Variants in SMAD3 observed in about 807,000 individuals in gnomAD.
The protein encoded by SMAD3 is MAD homolog 3.
A neutral mutation model predicts 51.8 loss-of-function variants in SMAD3; 12 were observed. The observed-to-expected ratio is 0.23, with a 90% CI of 0.15 to 0.38. SMAD3 has a LOEUF of 0.38. Among genes scored for constraint, SMAD3 ranks in the 10% least tolerant of loss-of-function variants. SMAD3 has a pLI of 1.00. For synonymous variants in SMAD3, 238 were observed against 227.7 expected, an observed-to-expected ratio of 1.05 and a Z score of -0.41; for missense variants, 294 against 565.6, an observed-to-expected ratio of 0.52 and a Z score of 4.87.
At chr15:67,084,070 C>CTTTTTTTTTTTTTTTTTTTTTTTTTTT (rs56675753) in intron 1 of SMAD3, among the ~76,000 whole-genome samples, 1 of 85,068 alleles carries the variant, frequency 1.2e-5, no homozygotes, top group Admixed American at 1.6e-4. Flanking sequence ...CTTTTTTTTT[C>CTTTTTTTTTTTTTTTTTTTTTTTTTTT]TTTTTTTTTT....
chr15:67,123,359 T>C (rs1595912716), intron 1 of SMAD3, among the ~76,000 whole-genome samples: 1 of 151,834 alleles, frequency 6.6e-6, no homozygotes, highest in Admixed American at 6.6e-5. Context: ...ATTAGTCAGG[T>C]GTGGTGGCAC....
At chr15:67,097,136 T>G (rs1355662268) in intron 1 of SMAD3, among the ~76,000 whole-genome samples, 1 of 152,198 alleles carries the variant, frequency 6.6e-6, no homozygotes, top group Non-Finnish European at 1.5e-5. Flanking sequence ...GTTAAAAATG[T>G]GGGTACTTGG....
chr15:67,099,987 T>A (rs892968628), intron 1 of SMAD3, among the ~76,000 whole-genome samples: 1 of 151,932 alleles, frequency 6.6e-6, no homozygotes, highest in Non-Finnish European at 1.5e-5. Context: ...TTCAAGACCA[T>A]CCTGACCAAC....
At chr15:67,143,002 G>A in intron 1 of SMAD3, 2 of 255,258 alleles carry the variant, frequency 7.8e-6, no homozygotes, top group South Asian at 6.2e-5. Flanking sequence ...AGACGTCCTT[G>A]CTGGAGAGCC....
chr15:67,127,112 T>C (rs1030491265), intron 1 of SMAD3, among the ~76,000 whole-genome samples: 6 of 152,088 alleles, frequency 3.9e-5, no homozygotes, highest in African/African-American at 1.4e-4. Context: ...GTGGGCTAAA[T>C]ACCGGCCACC....
At chr15:67,072,791 T>A (rs928181898) in intron 1 of SMAD3, among the ~76,000 whole-genome samples, 3 of 152,184 alleles carry the variant, frequency 2.0e-5, no homozygotes, top group African/African-American at 4.8e-5. Context: ...AGTCTTCCCA[T>A]CTTCAAGCAC....
intron 1 of SMAD3, among the ~76,000 whole-genome samples, chr15:67,090,367 T>G (rs546408686): frequency 6.6e-6 from 1 of 152,152 alleles, no homozygotes; most frequent in Non-Finnish European, 1.5e-5. Context: ...TCAGATTTCC[T>G]TCAGAGGCTG....
chr15:67,069,878 G>T (rs545280702), intron 1 of SMAD3, among the ~76,000 whole-genome samples: 2 of 152,028 alleles, frequency 1.3e-5, no homozygotes, highest in Non-Finnish European at 2.9e-5. Flanking sequence ...GCTAATTTTT[G>T]TATTTTTAGT....
At position 67,194,647 on chromosome 15, in the gene SMAD3, A is replaced by G. The variant is rs1216938793; in HGVS notation, c.*4111A>G. The stretch of plus-strand genomic sequence containing the variant: ...TCTCCTCCCAAGGACAGTGGCTGGA[A>G]GAGTTGGGGCACAGCCAGTTCTGAA... On this transcript the variant is annotated 3_prime_UTR_variant, in exon 9 of 9. Transcript: ENST00000327367. 1 of 231,916 alleles carries G rather than the reference A, an allele frequency of 4.3e-6. No individual in the cohort carries two copies. The highest frequency in any genetic ancestry group is 8.5e-6 in the Non-Finnish European group (1 of 117,102). The allele number at this position is 231,916 out of a possible 1,614,324, so 14.4% of individuals were successfully genotyped here. A position where few individuals can be genotyped will look rare whatever the true frequency, so the allele number is the denominator to read the frequency against.
At chr15:67,164,786 A>G in intron 1 of SMAD3, 109 bp from the exon 2 acceptor site, 2 of 1,138,814 alleles carry the variant, frequency 1.8e-6, no homozygotes, top group Non-Finnish European at 2.7e-6. Flanking sequence ...TCTGGGAGAA[A>G]TGAGGGGAGA....
chr15:67,118,516 C>G (rs1012783888), intron 1 of SMAD3, among the ~76,000 whole-genome samples: 68 of 152,128 alleles, frequency 4.5e-4, no homozygotes, highest in East Asian at 1.9e-4. Flanking sequence ...ATTTTTATAC[C>G]AGACTAGAAT....
intron 5 of SMAD3, among the ~76,000 whole-genome samples, chr15:67,172,217 C>T (rs1222825989): frequency 1.3e-5 from 2 of 151,750 alleles, no homozygotes; most frequent in African/African-American, 4.9e-5. Flanking sequence ...CCTACTGCCC[C>T]TTCCTCGGGC....
At chr15:67,185,430 T>C (rs1004717614) in intron 7 of SMAD3, among the ~76,000 whole-genome samples, 3 of 152,148 alleles carry the variant, frequency 2.0e-5, no homozygotes, top group Admixed American at 2.0e-4. Flanking sequence ...AGGGAGGGCA[T>C]TCTAGACAGG....
chr15:67,189,996 C>A (rs1191517404), intron 8 of SMAD3, among the ~76,000 whole-genome samples: 1 of 151,958 alleles, frequency 6.6e-6, no homozygotes, highest in African/African-American at 2.4e-5. Flanking sequence ...GGGCTGGGCC[C>A]AGATTTCGAG....
intron 1 of SMAD3, among the ~76,000 whole-genome samples, chr15:67,136,012 C>T (rs1306643368): frequency 6.6e-6 from 1 of 152,102 alleles, no homozygotes; most frequent in Admixed American, 6.5e-5. Context: ...TGTGTCCTTC[C>T]CAGCTAGAAT....
rs529889291 is a variant in SMAD3, at chr15:67,090,918, T to C, written c.206+24558T>C. On this transcript the variant is annotated intron_variant, in intron 1 of 8. Transcript: ENST00000327367. ...CAAGGCCAAGCCCCTCCCTCCCTACTTGAACACTTGATTACCTGCTGCAGG... is the reference window on the plus strand; with the variant it reads ...CAAGGCCAAGCCCCTCCCTCCCTACCTGAACACTTGATTACCTGCTGCAGG... Among the ~76,000 whole-genome samples the C allele has an allele frequency of 8.4e-4, 128 of 152,144 alleles. 1 individual carries two copies. Among genetic ancestry groups the C allele is most frequent in the Admixed American group, 2.4e-3 (36 of 15,278 alleles).
At chr15:67,113,203 C>T (rs1216831770) in intron 1 of SMAD3, among the ~76,000 whole-genome samples, 2 of 125,870 alleles carry the variant, frequency 1.6e-5, no homozygotes, top group African/African-American at 6.4e-5. Context: ...CCTGCCTCAG[C>T]AGCCTCCCGA....
chr15:67,088,612 G>A (rs1055028201), intron 1 of SMAD3, among the ~76,000 whole-genome samples: 2 of 152,308 alleles, frequency 1.3e-5, no homozygotes, highest in Middle Eastern at 3.4e-3. Context: ...CCGAGTGGGA[G>A]GGGGCAGCTG....
chr15:67,138,472 ACTGAGCGGTTCC>A lies in SMAD3; in HGVS notation c.207-26419_207-26408del, dbSNP rs1961729508. 3 of 209,190 alleles carry A rather than the reference ACTGAGCGGTTCC, an allele frequency of 1.4e-5. No homozygotes were observed. The South Asian group carries it at 2.7e-4, about 18-fold the overall frequency. The allele number at this position is 209,190 out of a possible 1,614,324, so 13.0% of individuals were successfully genotyped here. The stretch of plus-strand genomic sequence containing the variant: ...TTTGTTCCTTTCCAGTCATCGCTGT[ACTGAGCGGTTCC>A]CTGGGACAGTTGAACCCAGGGGAAC... On this transcript the variant is annotated intron_variant, in intron 1 of 8. Coordinates refer to ENST00000327367, the MANE Select transcript of SMAD3 (RefSeq NM_005902.4).
Sources: allele counts gnomAD v4.1 joint callset (sites outside exome capture counted in the v4.1 genomes callset), GRCh38; gene constraint gnomAD v4.1.1; transcripts MANE v1.5; gene names NCBI Gene and HGNC (gene_info 2026-07-23, HGNC 2026-07-21).